Variants in NEB observed in about 807,000 individuals in gnomAD.
The protein encoded by NEB is nemaline myopathy type 2.
Under a neutral mutation model 952.2 loss-of-function variants are expected in NEB, and 512 were observed. The ratio of observed to expected loss-of-function variants is 0.54; its 90% confidence interval spans 0.50 to 0.58. The LOEUF (loss-of-function observed/expected upper bound fraction) is 0.58, where lower values mean the gene tolerates loss of function less well. NEB is among the 20% of genes least tolerant of loss of function. NEB has a pLI of 0.00. For synonymous variants in NEB, 2,900 were observed against 3,149.8 expected, an observed-to-expected ratio of 0.92 and a Z score of 2.66; for missense variants, 8,428 against 9,231.1, an observed-to-expected ratio of 0.91 and a Z score of 3.56.
intron 167 of NEB, 68 bp from the exon 168 acceptor site, chr2:151,501,551 A>C: frequency 1.2e-6 from 1 of 801,372 alleles, no homozygotes; most frequent in Non-Finnish European, 1.8e-6. Flanking sequence ...TTAACCTAAA[A>C]AAACAGCCTA....
At chr2:151,691,050 C>T (rs989961120) in intron 23 of NEB, among the ~76,000 whole-genome samples, 3 of 152,058 alleles carry the variant, frequency 2.0e-5, no homozygotes, top group Admixed American at 6.6e-5. Flanking sequence ...ACTCAGCAAC[C>T]AGATTAACCT....
chr2:151,506,420 G>A, intron 163 of NEB, 162 bp from the exon 164 acceptor site: 1 of 610,360 alleles, frequency 1.6e-6, no homozygotes, highest in Non-Finnish European at 2.9e-6. Flanking sequence ...GTCAGTATCA[G>A]TGACTCAGAC....
At chr2:151,608,762 G>C (rs2097780744) in intron 81 of NEB, 86 bp from the exon 82 acceptor site, 1 of 93,602 alleles carries the variant, frequency 1.1e-5, no homozygotes, top group South Asian at 3.9e-4. Flanking sequence ...AATTAGCCGG[G>C]CATGGTGGCG....
Position 151,680,778 on chromosome 2 carries a change from A to T in NEB, c.2994T>A (p.Asp998Glu). Residue 998 changes from aspartate to glutamate, a missense_variant, in exon 30 of 182, where the codon GAT becomes GAA. Transcript: ENST00000397345. ...PDTLKFTSIE[D>E]APITVQSKIN... The stretch of plus-strand genomic sequence containing the variant: ...TTTTAGACTGTACTGTAATTGGAGC[A>T]TCTTCAATCGAGGTAAACTTGAGGG... 1.2e-6 allele frequency: 2 copies of T among 1,613,554 alleles called. No homozygotes were observed. The highest frequency in any genetic ancestry group is 1.1e-5 in the South Asian group (1 of 91,084).
chr2:151,495,996 T>TG (rs908980849), intron 173 of NEB, among the ~76,000 whole-genome samples: 40 of 152,210 alleles, frequency 2.6e-4, no homozygotes, highest in African/African-American at 9.2e-4. Context: ...AAAGAGACCT[T>TG]GGGGGTAGTG....
chr2:151,677,843 A>AG lies in NEB; in HGVS notation c.3567+32dup, dbSNP rs535973187. The AG allele has an allele frequency of 6.6e-4, 1,067 of 1,606,392 alleles. 6 individuals carry two copies. The East Asian group carries it at 0.016, about 24-fold the overall frequency. On this transcript the variant is annotated intron_variant, in intron 33 of 181. Coordinates refer to ENST00000397345, the MANE Select transcript of NEB (RefSeq NM_001164508.2). ...TTTCATGGCAGGCTCTGAACTTAAT[A>AG]GGGGGGTTTCTTGAGAAGTAAATGA...
In NEB at chr2:151,697,619, T is replaced by G. The variant is rs186233985; in HGVS notation, c.1182A>C (p.Thr394=). The G allele has an allele frequency of 2.2e-4, 353 of 1,611,022 alleles. No homozygotes were observed. The highest frequency in any genetic ancestry group is 2.8e-4 in the Non-Finnish European group (330 of 1,179,282). Residue 394 remains threonine, a synonymous_variant, in exon 14 of 182, where the codon ACA becomes ACC. Coordinates refer to ENST00000397345, the MANE Select transcript of NEB (RefSeq NM_001164508.2). ...DKLYKENYEK[T]KAKSINYCET... is the part of the protein sequence containing the mutation. ...CGCAGTAATTTATGCTCTTTGCTTT[T>G]GTCTTTTCATAGTTTTCCTTGTATA...
chr2:151,642,466 T>C (rs1352201208), intron 60 of NEB, 108 bp downstream of exon 60: 5 of 900,448 alleles, frequency 5.6e-6, no homozygotes, highest in Non-Finnish European at 8.3e-6. Context: ...CAATAAACTG[T>C]TAGCAACAGC....
At chr2:151,518,736 A>G (rs1575914204) in intron 155 of NEB, among the ~76,000 whole-genome samples, 1 of 152,184 alleles carries the variant, frequency 6.6e-6, no homozygotes. Flanking sequence ...TTGGAGGGCA[A>G]AGTTTAAATA....
At chr2:151,496,458 A>T (rs1246274907) in intron 172 of NEB, 90 bp from the exon 173 acceptor site, 1 of 1,482,654 alleles carries the variant, frequency 6.7e-7, no homozygotes, top group Non-Finnish European at 9.1e-7. Flanking sequence ...TTCCTTGTTA[A>T]GAAAACACAG....
intron 64 of NEB, among the ~76,000 whole-genome samples, chr2:151,635,762 T>C (rs886188613): frequency 6.6e-6 from 1 of 151,332 alleles, no homozygotes; most frequent in Non-Finnish European, 1.5e-5. Context: ...CCTCTGGTAC[T>C]GATCAACTGC....
At chr2:151,683,983 T>A (rs1157793993) in intron 28 of NEB, among the ~76,000 whole-genome samples, 1 of 152,192 alleles carries the variant, frequency 6.6e-6, no homozygotes, top group Non-Finnish European at 1.5e-5. Context: ...AAATACTGTA[T>A]GACTTTACAT....
rs761722604 is a variant in NEB, at chr2:151,697,199, C to G, written c.1419G>C (p.Gln473His). Residue 473 changes from glutamine (Q) to histidine (H), a missense_variant, in exon 16 of 182, where the codon CAG becomes CAC. By Grantham distance (24) the Gln-to-His change is conservative. Transcript: ENST00000397345. ...EEDRGKGFFPQTITQEYEAIK... is the reference protein window; with the variant it reads ...EEDRGKGFFPHTITQEYEAIK... ...TTGCTTCATATTCTTGAGTTATGGT[C>G]TGAGGGAAGAAGCCTTTGCCTCTGT... The G allele has an allele frequency of 6.2e-7, 1 of 1,613,728 alleles. No homozygotes were observed. Among genetic ancestry groups the G allele is most frequent in the Non-Finnish European group, 8.5e-7 (1 of 1,179,862 alleles).
chr2:151,615,912 G>T lies in NEB; in HGVS notation c.11289+90C>A, dbSNP rs1421995529. On this transcript the variant is annotated intron_variant, in intron 76 of 181. Transcript: ENST00000397345. ...CTAAAGGGAATTGAGACTTATAGGG[G>T]TAACTAAATTTCTAGCAAGAAAAAC... 3 of 935,546 alleles carry T rather than the reference G, an allele frequency of 3.2e-6. No homozygotes were observed. The African/African-American group carries it at 5.1e-5, about 16-fold the overall frequency. The allele number at this position is 935,546 out of a possible 1,614,324, so 58.0% of individuals were successfully genotyped here. A position where few individuals can be genotyped will look rare whatever the true frequency, so the allele number is the denominator to read the frequency against.
chr2:151,531,308 C>CTTT (rs1159075000), intron 144 of NEB, among the ~76,000 whole-genome samples: 4 of 84,010 alleles, frequency 4.8e-5, no homozygotes, highest in Admixed American at 1.8e-4. Flanking sequence ...TTTTTTCTTT[C>CTTT]TTTTTTTTTT....
chr2:151,635,464 T>G (rs1416162291), intron 64 of NEB, among the ~76,000 whole-genome samples: 1 of 152,080 alleles, frequency 6.6e-6, no homozygotes, highest in Non-Finnish European at 1.5e-5. Flanking sequence ...ACCAGCACTT[T>G]GGGAGCCTGA....
chr2:151,654,970 T>A (rs1449779699), intron 51 of NEB, among the ~76,000 whole-genome samples: 5 of 152,162 alleles, frequency 3.3e-5, no homozygotes, highest in Non-Finnish European at 7.4e-5. Flanking sequence ...TACAGGTGCA[T>A]GTCATCACAC....
At chr2:151,511,500 A>C (rs1286613609) in intron 161 of NEB, among the ~76,000 whole-genome samples, 1 of 152,198 alleles carries the variant, frequency 6.6e-6, no homozygotes, top group Non-Finnish European at 1.5e-5. Flanking sequence ...TCCAGAGCCT[A>C]CCACAGATTT....
rs1438864752 is a variant in NEB at position 151,633,657 on chromosome 2, A to T, written c.9411T>A (p.Ser3137Arg). The change falls in exon 65 of 182, where the codon AGT becomes AGA. Residue 3137 changes from serine (S) to arginine (R), a missense_variant. Physicochemically the swap from Ser to Arg is moderately radical, Grantham distance 110 (BLOSUM62 -1). Around this residue, in one of 11 missense-constraint regions of NEB, gnomAD observed 1,772 missense variants for 1,960.3 expected, o/e 0.90. Coordinates refer to ENST00000397345, the MANE Select transcript of NEB (RefSeq NM_001164508.2). ...IHARQAYDLQ[S>R]DNIYKSDLQW... ...CATTTATAGATGCTGTACTCACGTC[A>T]CTCTGGAGGTCATAGGCCTGCCGAG... 2 of 1,610,010 alleles carry T rather than the reference A, an allele frequency of 1.2e-6. No individual in the cohort carries two copies. Among genetic ancestry groups the T allele is most frequent in the Admixed American group, 1.7e-5 (1 of 59,904 alleles).
Sources: gnomAD v4.1 joint callset for allele counts (sites outside exome capture counted in the v4.1 genomes callset) on GRCh38, gnomAD v4.1.1 for gene constraint, gnomAD v4.1.1 regional missense constraint, MANE v1.5 for transcripts, NCBI Gene and HGNC (gene_info 2026-07-23, HGNC 2026-07-21) for gene names.